The following SNTG1 variants were observed in gnomAD, a reference collection of about 807,000 sequenced individuals.
The protein encoded by SNTG1 is syntrophin gamma 1.
A neutral mutation model predicts 74.7 loss-of-function variants in SNTG1; 39 were observed. The observed-to-expected ratio is 0.52, with a 90% CI of 0.40 to 0.68. The LOEUF (loss-of-function observed/expected upper bound fraction) is 0.68. Ranked by LOEUF, SNTG1 falls within the 30% of genes least tolerant of loss-of-function variation. The pLI, the probability that SNTG1 is intolerant of heterozygous loss-of-function variation, is 0.00. For missense variants in SNTG1, 685 were observed against 609.5 expected (o/e 1.12, Z -1.30); for synonymous variants, 254 against 217.1 (o/e 1.17, Z -1.49).
At chr8:50,244,862 T>C (rs1351149920) in intron 2 of SNTG1, among the ~76,000 whole-genome samples, 2 of 152,228 alleles carry the variant, frequency 1.3e-5, no homozygotes, top group Non-Finnish European at 2.9e-5. Flanking sequence ...AAGTGTATTA[T>C]CCTATAAACC....
At chr8:50,294,286 C>T (rs1012716759) in intron 2 of SNTG1, among the ~76,000 whole-genome samples, 2 of 152,118 alleles carry the variant, frequency 1.3e-5, no homozygotes, top group African/African-American at 4.8e-5. Context: ...TAGTTCTAAT[C>T]CACATTAAAT....
chr8:50,401,979 G>A (rs1240187042), intron 3 of SNTG1, among the ~76,000 whole-genome samples: 2 of 152,116 alleles, frequency 1.3e-5, no homozygotes, highest in African/African-American at 4.8e-5. Flanking sequence ...CCACTTCTTT[G>A]TGTGAATTTT....
At position 50,692,459 on chromosome 8, in the gene SNTG1, C is replaced by T. The variant is rs182765004; in HGVS notation, c.1039-12141C>T. On this transcript the variant is annotated intron_variant, in intron 15 of 18. Coordinates refer to ENST00000642720, the MANE Select transcript of SNTG1 (RefSeq NM_018967.5). Reference sequence around the variant, plus strand: ...GATGTCCTTTCTATTTGTTAGTTTTCCTTCCAGCAGACAGGACCCTTAGCT... The same window carrying T: ...GATGTCCTTTCTATTTGTTAGTTTTTCTTCCAGCAGACAGGACCCTTAGCT... 9.2e-4 allele frequency among the ~76,000 whole-genome samples: 140 copies of T among 152,200 alleles called. 2 individuals are homozygous for T. The highest frequency in any genetic ancestry group is 6.8e-3 in the Middle Eastern group (2 of 294).
chr8:50,233,708 T>C (rs2085747925), intron 2 of SNTG1, among the ~76,000 whole-genome samples: 1 of 131,310 alleles, frequency 7.6e-6, no homozygotes, highest in Non-Finnish European at 1.6e-5. Context: ...AACTTCACTT[T>C]AAAAAAACCC....
intron 4 of SNTG1, among the ~76,000 whole-genome samples, chr8:50,425,236 T>A (rs113561188): frequency 0.053 from 1,411 of 26,646 alleles, 22 homozygotes; most frequent in African/African-American, 0.12. Flanking sequence ...GGGTCCCAAC[T>A]GGTACCAGTC....
At chr8:49,994,767 A>C (rs1241913264) in intron 1 of SNTG1, among the ~76,000 whole-genome samples, 2 of 152,026 alleles carry the variant, frequency 1.3e-5, no homozygotes, top group South Asian at 2.1e-4. Flanking sequence ...ACAATGTTTT[A>C]TGGAGGAAAA....
chr8:50,112,437 C>G (rs1473833427), intron 1 of SNTG1, among the ~76,000 whole-genome samples: 1 of 150,366 alleles, frequency 6.7e-6, no homozygotes, highest in African/African-American at 2.4e-5. Context: ...GTGTAAAAAC[C>G]TTAATTAAAA....
At chr8:50,536,844 T>C (rs748827816) in intron 11 of SNTG1, 36 bp downstream of exon 11, 2 of 1,603,982 alleles carry the variant, frequency 1.2e-6, no homozygotes, top group African/African-American at 1.3e-5. Context: ...CTGTTTTGTT[T>C]ATGAAAAAAG....
At chr8:50,653,790 G>T (rs2095163401) in intron 13 of SNTG1, among the ~76,000 whole-genome samples, 1 of 152,150 alleles carries the variant, frequency 6.6e-6, no homozygotes, top group Non-Finnish European at 1.5e-5. Context: ...CAAGGATCTA[G>T]AAGGTCAAAA....
intron 1 of SNTG1, among the ~76,000 whole-genome samples, chr8:50,004,734 C>A (rs754974975): frequency 1.3e-5 from 2 of 152,170 alleles, no homozygotes; most frequent in Non-Finnish European, 2.9e-5. Flanking sequence ...AAGTAAACTT[C>A]CTTTGTCTCC....
In SNTG1 at chr8:49,979,629, G is replaced by T. The variant is rs188284432; in HGVS notation, c.-103+67398G>T. 1.3e-3 allele frequency among the ~76,000 whole-genome samples: 192 copies of T among 152,150 alleles called. 1 individual carries two copies. The highest frequency in any genetic ancestry group is 1.9e-3 in the South Asian group (9 of 4,824). ...GGGGACTTCTCACACCTAGCTTGTC[G>T]TCGCGCTCTAGGGCCATTGCATCTT... On this transcript the variant is annotated intron_variant, in intron 1 of 18. Coordinates refer to ENST00000642720, the MANE Select transcript of SNTG1 (RefSeq NM_018967.5).
intron 17 of SNTG1, among the ~76,000 whole-genome samples, chr8:50,743,957 A>G (rs532310634): frequency 7.3e-6 from 1 of 137,908 alleles, no homozygotes; most frequent in East Asian, 2.2e-4. Context: ...CATGGCAAAA[A>G]TAGGAGCAGA....
intron 6 of SNTG1, among the ~76,000 whole-genome samples, chr8:50,450,117 G>A (rs1173071151): frequency 6.6e-6 from 1 of 152,202 alleles, no homozygotes; most frequent in Non-Finnish European, 1.5e-5. Context: ...ATAAGAAACT[G>A]TAGGAAAAAT....
chr8:50,351,932 C>A (rs868449858), intron 2 of SNTG1, among the ~76,000 whole-genome samples: 11 of 152,130 alleles, frequency 7.2e-5, no homozygotes, highest in African/African-American at 2.7e-4. Context: ...ATATTGAGAA[C>A]CTACAAGTTA....
intron 2 of SNTG1, among the ~76,000 whole-genome samples, chr8:50,369,093 GA>G (rs1017904199): frequency 6.6e-6 from 1 of 152,132 alleles, no homozygotes; most frequent in Admixed American, 6.5e-5. Context: ...GGAATGGGAT[GA>G]ATGTATTTTG....
At chr8:50,684,185 C>T (rs924184414) in intron 15 of SNTG1, among the ~76,000 whole-genome samples, 1 of 152,106 alleles carries the variant, frequency 6.6e-6, no homozygotes, top group Non-Finnish European at 1.5e-5. Context: ...AGTAGTATTT[C>T]CCCCTCACTG....
intron 1 of SNTG1, among the ~76,000 whole-genome samples, chr8:49,987,589 T>A (rs1426249830): frequency 6.6e-6 from 1 of 152,072 alleles, no homozygotes; most frequent in Non-Finnish European, 1.5e-5. Context: ...GCTAACAGCC[T>A]GCTATAATAT....
chr8:50,718,477 G>A (rs2095480026), intron 17 of SNTG1, among the ~76,000 whole-genome samples: 1 of 152,138 alleles, frequency 6.6e-6, no homozygotes, highest in Non-Finnish European at 1.5e-5. Flanking sequence ...ATCTGGACAG[G>A]CTAATTTATA....
intron 2 of SNTG1, among the ~76,000 whole-genome samples, chr8:50,373,286 C>T (rs1464029394): frequency 6.6e-6 from 1 of 152,128 alleles, no homozygotes. Context: ...AATATGTTTT[C>T]ACGAAATACA....
Sources: gnomAD v4.1 joint callset for allele counts (sites outside exome capture counted in the v4.1 genomes callset) on GRCh38, gnomAD v4.1.1 for gene constraint, MANE v1.5 for transcripts, NCBI Gene and HGNC (gene_info 2026-07-23, HGNC 2026-07-21) for gene names.